The following GLIS1 variants were observed in gnomAD, a reference collection of about 807,000 sequenced individuals.
GLIS1 encodes the protein GLIS family zinc finger 1.
In GLIS1, 24 loss-of-function variants were observed where a neutral mutation model predicts 63.8. The observed-to-expected ratio is 0.38, with a 90% confidence interval of 0.27 to 0.53. The LOEUF (loss-of-function observed/expected upper bound fraction) is 0.53, where lower values mean the gene tolerates loss of function less well. Among genes scored for constraint, GLIS1 ranks in the 20% least tolerant of loss-of-function variants. The pLI, the probability that GLIS1 is intolerant of heterozygous loss-of-function variation, is 0.85. For synonymous variants in GLIS1, 450 were observed against 482.5 expected (o/e 0.93, Z 0.88); for missense variants, 1,036 against 1,074.1 (o/e 0.96, Z 0.50).
intron 2 of GLIS1, among the ~76,000 whole-genome samples, chr1:53,612,327 C>T (rs1349348777): frequency 6.6e-6 from 1 of 151,990 alleles, no homozygotes; most frequent in African/African-American, 2.4e-5. Flanking sequence ...GCAAGCTCCG[C>T]CTCCCGGGTT....
At chr1:53,658,692 T>G (rs1367689426) in intron 2 of GLIS1, among the ~76,000 whole-genome samples, 1 of 152,192 alleles carries the variant, frequency 6.6e-6, no homozygotes, top group Non-Finnish European at 1.5e-5. Context: ...CCCACTAGCC[T>G]GACTGCACTG....
rs528977115 is a variant in GLIS1, at chr1:53,595,984, T to G, written c.438-994A>C. ...GGGCAGCCCATGGGAGCACGTGGGT[T>G]TGAGATCAGGCTCAGCCACATCCAG... is the stretch of plus-strand genomic sequence containing the variant. On this transcript the variant is annotated intron_variant, in intron 3 of 10. Transcript: ENST00000628545. Among the ~76,000 whole-genome samples the G allele has an allele frequency of 3.3e-5, 5 of 152,342 alleles. No homozygotes were observed. In the South Asian group the frequency reaches 1.0e-3, roughly 32 times the overall value.
chr1:53,615,937 A>AG (rs1410490815), intron 2 of GLIS1, among the ~76,000 whole-genome samples: 1 of 152,042 alleles, frequency 6.6e-6, no homozygotes, highest in East Asian at 1.9e-4. Context: ...TAGTAGAGAC[A>AG]GGGTTTCAAC....
intron 6 of GLIS1, among the ~76,000 whole-genome samples, chr1:53,521,898 CA>C (rs1237737758): frequency 1.3e-5 from 2 of 152,244 alleles, no homozygotes; most frequent in African/African-American, 4.8e-5. Context: ...AAGCTTGGCT[CA>C]GCCAAATGCT....
intron 4 of GLIS1, among the ~76,000 whole-genome samples, chr1:53,573,023 T>C (rs1256045010): frequency 2.0e-5 from 3 of 152,218 alleles, no homozygotes; most frequent in Admixed American, 2.0e-4. Flanking sequence ...GTGTTTTGTA[T>C]TTTTCTTTGG....
chr1:53,524,624 TGGACGGACGGAC>T (rs549420198), intron 6 of GLIS1, among the ~76,000 whole-genome samples, 141 bp downstream of exon 6: 1 of 151,834 alleles, frequency 6.6e-6, no homozygotes, highest in African/African-American at 2.4e-5. Flanking sequence ...AGGTGGGAAG[TGGACGGACGGAC>T]GAACGGACGA....
chr1:53,598,116 T>TC lies in GLIS1; in HGVS notation c.437+1984dup, dbSNP rs1213040826. 1.3e-5 allele frequency among the ~76,000 whole-genome samples: 2 copies of TC among 152,110 alleles called. No homozygotes were observed. Among genetic ancestry groups the TC allele is most frequent in the African/African-American group, 2.4e-5 (1 of 41,416 alleles). On this transcript the variant is annotated intron_variant, in intron 3 of 10. Coordinates refer to ENST00000628545, the MANE Select transcript of GLIS1 (RefSeq NM_001367484.1). This position sits in a 1 kb window ranked among gnomAD's most constrained non-coding sequence, Gnocchi z 4.6. ...GCTCCTTGCTATGGACTGATTTGTG[T>TC]CCCCCCAAAATTTATACATTGAAGC...
chr1:53,687,508 C>T (rs1366322340), intron 2 of GLIS1, among the ~76,000 whole-genome samples: 4 of 152,182 alleles, frequency 2.6e-5, no homozygotes, highest in African/African-American at 9.6e-5. Context: ...ATGGAAGACC[C>T]GAGTACATCC....
chr1:53,659,780 C>A (rs1437720910), intron 2 of GLIS1, among the ~76,000 whole-genome samples: 4 of 152,152 alleles, frequency 2.6e-5, no homozygotes, highest in Non-Finnish European at 5.9e-5. Flanking sequence ...TCCTCATCTG[C>A]AAAATAGAAA....
At chr1:53,596,020 G>A (rs921369184) in intron 3 of GLIS1, among the ~76,000 whole-genome samples, 2 of 152,250 alleles carry the variant, frequency 1.3e-5, no homozygotes, top group East Asian at 1.9e-4. Context: ...CCGTGCAAAC[G>A]TGGGCAAGGT....
At chr1:53,529,357 G>A (rs3855967) in intron 5 of GLIS1, among the ~76,000 whole-genome samples, 22,310 of 152,122 alleles carry the variant, frequency 0.15, 3,418 homozygotes, top group East Asian at 0.49. Flanking sequence ...TACGGAGGGG[G>A]CAGGAAGAGC....
intron 6 of GLIS1, among the ~76,000 whole-genome samples, 199 bp from the exon 7 acceptor site, chr1:53,520,965 C>A (rs1241226626): frequency 6.6e-6 from 1 of 152,240 alleles, no homozygotes; most frequent in South Asian, 2.1e-4. Context: ...CTTTGAGAAG[C>A]AGATGCCAAG....
intron 4 of GLIS1, among the ~76,000 whole-genome samples, chr1:53,555,919 G>A (rs1644816153): frequency 6.8e-6 from 1 of 146,018 alleles, no homozygotes; most frequent in South Asian, 2.2e-4. Flanking sequence ...GTGTGTGTGT[G>A]CGGTGTATTG....
At chr1:53,559,821 C>T (rs1481955833) in intron 4 of GLIS1, among the ~76,000 whole-genome samples, 1 of 152,142 alleles carries the variant, frequency 6.6e-6, no homozygotes, top group African/African-American at 2.4e-5. Flanking sequence ...ACACACTCAT[C>T]TACATCCCCC....
At chr1:53,581,787 G>A (rs555562608) in intron 4 of GLIS1, among the ~76,000 whole-genome samples, 8 of 152,256 alleles carry the variant, frequency 5.3e-5, no homozygotes, top group African/African-American at 1.9e-4. Flanking sequence ...AACAGAGCAA[G>A]AGAGAGGAGT....
intron 10 of GLIS1, among the ~76,000 whole-genome samples, chr1:53,508,368 G>T (rs367560181): frequency 6.6e-6 from 1 of 152,086 alleles, no homozygotes; most frequent in Non-Finnish European, 1.5e-5. Flanking sequence ...CCACCCTCCC[G>T]CTCACTACCT....
intron 8 of GLIS1, among the ~76,000 whole-genome samples, chr1:53,514,111 C>T (rs923357982): frequency 6.6e-6 from 1 of 152,262 alleles, no homozygotes; most frequent in South Asian, 2.1e-4. Context: ...GGCTGCCCCT[C>T]TCCACAGTGA....
intron 2 of GLIS1, among the ~76,000 whole-genome samples, chr1:53,715,230 A>G (rs1374409333): frequency 2.6e-5 from 4 of 152,172 alleles, no homozygotes; most frequent in Non-Finnish European, 5.9e-5. Flanking sequence ...TTCATTCTTG[A>G]GTAAAATAAC....
At chr1:53,701,954 C>A (rs1303560638) in intron 2 of GLIS1, among the ~76,000 whole-genome samples, 2 of 145,116 alleles carry the variant, frequency 1.4e-5, no homozygotes, top group Non-Finnish European at 3.0e-5. Context: ...GATTATACCA[C>A]TGCACTCTAG....
Sources: gnomAD v4.1 joint callset for allele counts (sites outside exome capture counted in the v4.1 genomes callset) on GRCh38, gnomAD v4.1.1 for gene constraint, Gnocchi (gnomAD v3.1) non-coding constraint, MANE v1.5 for transcripts, NCBI Gene and HGNC (gene_info 2026-07-23, HGNC 2026-07-21) for gene names.